The following RASAL2 variants were observed in gnomAD, a reference collection of about 807,000 sequenced individuals.
RASAL2 encodes the protein RAS protein activator like 2, also known as ras GTPase-activating protein nGAP.
Under a neutral mutation model 128.9 loss-of-function variants are expected in RASAL2, and 58 were observed. The observed-to-expected ratio is 0.45, with a 90% confidence interval of 0.36 to 0.56. The LOEUF is 0.56. Ranked by LOEUF, RASAL2 falls within the 20% of genes least tolerant of loss-of-function variation. The probability of loss-of-function intolerance (pLI) is 0.00; values close to 1 mark genes in which losing one functional copy is unlikely to be tolerated. For missense variants in RASAL2, 1,360 were observed against 1,601.6 expected, an observed-to-expected ratio of 0.85 and a Z score of 2.57; for synonymous variants, 561 against 580.8, an observed-to-expected ratio of 0.97 and a Z score of 0.49.
chr1:178,159,582 T>C (rs1338394498), intron 1 of RASAL2, among the ~76,000 whole-genome samples: 2 of 152,164 alleles, frequency 1.3e-5, no homozygotes, highest in Non-Finnish European at 2.9e-5. Context: ...TAGACTATTA[T>C]TGAAAAACAA....
intron 4 of RASAL2, among the ~76,000 whole-genome samples, chr1:178,402,763 G>T (rs1255265172): frequency 6.6e-6 from 1 of 151,862 alleles, no homozygotes; most frequent in Non-Finnish European, 1.5e-5. Context: ...TAACTAATAG[G>T]CTCAAAAGCC....
intron 1 of RASAL2, among the ~76,000 whole-genome samples, chr1:178,261,630 T>A (rs993902496): frequency 6.6e-6 from 1 of 152,084 alleles, no homozygotes; most frequent in Non-Finnish European, 1.5e-5. Context: ...AAGGATTAAT[T>A]AGAAGTGTTG....
intron 1 of RASAL2, among the ~76,000 whole-genome samples, chr1:178,185,186 A>G (rs1326866012): frequency 1.3e-5 from 2 of 151,314 alleles, no homozygotes; most frequent in African/African-American, 4.9e-5. Context: ...TTTGCTTATT[A>G]ACCTTGTATC....
chr1:178,288,902 C>T (rs916684018), intron 2 of RASAL2, among the ~76,000 whole-genome samples: 1 of 152,086 alleles, frequency 6.6e-6, no homozygotes, highest in Admixed American at 6.5e-5. Flanking sequence ...CCACCCGCCT[C>T]GGCCTCCCAA....
At chr1:178,418,428 C>G (rs1382351092) in intron 4 of RASAL2, among the ~76,000 whole-genome samples, 1 of 152,088 alleles carries the variant, frequency 6.6e-6, no homozygotes, top group Non-Finnish European at 1.5e-5. Flanking sequence ...AGCCTTTTTC[C>G]CTTGCCTTTA....
At chr1:178,209,227 T>G (rs1663170155) in intron 1 of RASAL2, among the ~76,000 whole-genome samples, 1 of 152,192 alleles carries the variant, frequency 6.6e-6, no homozygotes, top group East Asian at 1.9e-4. Flanking sequence ...CTCCGTTGGT[T>G]GCTCTCTAGA....
intron 1 of RASAL2, among the ~76,000 whole-genome samples, chr1:178,273,742 AG>A (rs1423424583): frequency 5.3e-5 from 8 of 152,184 alleles, no homozygotes; most frequent in Non-Finnish European, 1.2e-4. Flanking sequence ...TTTCGATAAG[AG>A]GGATGTTTTT....
intron 1 of RASAL2, among the ~76,000 whole-genome samples, chr1:178,233,271 TAA>T (rs1365516271): frequency 2.6e-5 from 4 of 152,184 alleles, no homozygotes; most frequent in African/African-American, 9.7e-5. Flanking sequence ...GAGAGACTGT[TAA>T]AGACTGGAGT....
chr1:178,240,617 T>C (rs1664456059), intron 1 of RASAL2, among the ~76,000 whole-genome samples: 1 of 151,982 alleles, frequency 6.6e-6, no homozygotes, highest in African/African-American at 2.4e-5. Flanking sequence ...CATGTGTTGC[T>C]GGAGAGGATA....
chr1:178,136,159 A>G (rs1441807144), intron 1 of RASAL2, among the ~76,000 whole-genome samples: 1 of 152,234 alleles, frequency 6.6e-6, no homozygotes, highest in African/African-American at 2.4e-5. Context: ...TTTTCAGTTC[A>G]TAGATTTTTA....
intron 1 of RASAL2, among the ~76,000 whole-genome samples, chr1:178,145,177 T>G (rs1486804509): frequency 6.6e-6 from 1 of 152,134 alleles, no homozygotes; most frequent in East Asian, 1.9e-4. Flanking sequence ...ATACTTAAGT[T>G]TAGAAACATA....
chr1:178,277,710 A>G (rs930079549), intron 1 of RASAL2, among the ~76,000 whole-genome samples: 1 of 152,206 alleles, frequency 6.6e-6, no homozygotes, highest in Non-Finnish European at 1.5e-5. Flanking sequence ...ATCTGTTGGG[A>G]ATATGTTTCT....
At position 178,285,103 on chromosome 1, in the gene RASAL2, C is replaced by CTTTTT. The variant is rs58901015; in HGVS notation, c.330+1436_330+1440dup. On this transcript the variant is annotated intron_variant, in intron 2 of 17. Transcript: ENST00000367649. ...GTATTTTAATAGGCATTGCTACTTT[C>CTTTTT]TTTTTTTTTTTTTTTTTTTTTTTTT... Among the ~76,000 whole-genome samples, 174 of 81,952 alleles carry CTTTTT rather than the reference C, an allele frequency of 2.1e-3. 3 individuals carry two copies. Among genetic ancestry groups the CTTTTT allele is most frequent in the Non-Finnish European group, 2.4e-3 (106 of 44,596 alleles). 53.8% of individuals were successfully genotyped at this position (81,952 alleles called of 152,430 possible). A position where few individuals can be genotyped will look rare whatever the true frequency, so the allele number is the denominator to read the frequency against.
chr1:178,344,008 A>G (rs1198087022), intron 3 of RASAL2, among the ~76,000 whole-genome samples: 5 of 152,182 alleles, frequency 3.3e-5, no homozygotes, highest in African/African-American at 7.2e-5. Context: ...GAATGGGTAT[A>G]GTGAAATGAG....
intron 3 of RASAL2, among the ~76,000 whole-genome samples, chr1:178,352,071 G>C (rs561305008): frequency 7.2e-5 from 11 of 152,162 alleles, no homozygotes; most frequent in Non-Finnish European, 1.5e-4. Flanking sequence ...ATTCATCAAA[G>C]GAATCTTTGG....
Position 178,434,093 on chromosome 1 carries a change from G to A in RASAL2, c.675-5329G>A, listed in dbSNP as rs777631247. Among the ~76,000 whole-genome samples, 17 of 152,168 alleles carry A rather than the reference G, an allele frequency of 1.1e-4. 1 individual carries two copies. The highest frequency in any genetic ancestry group is 1.5e-4 in the Non-Finnish European group (10 of 67,976). Reference sequence around the variant, plus strand: ...TGGTATGTTACTTGAGTTGGATTACGAGTTTGGTTTGGTTTGGTTTAGTTT... The same window carrying A: ...TGGTATGTTACTTGAGTTGGATTACAAGTTTGGTTTGGTTTGGTTTAGTTT... On this transcript the variant is annotated intron_variant, in intron 5 of 17. Coordinates refer to ENST00000367649, the MANE Select transcript of RASAL2 (RefSeq NM_170692.4).
At chr1:178,116,699 T>A (rs890425544) in intron 1 of RASAL2, among the ~76,000 whole-genome samples, 1 of 152,196 alleles carries the variant, frequency 6.6e-6, no homozygotes, top group Admixed American at 6.5e-5. Flanking sequence ...AATCTTCACC[T>A]CCTGCGTTCA....
intron 3 of RASAL2, among the ~76,000 whole-genome samples, chr1:178,381,572 A>G (rs763488015): frequency 1.8e-4 from 28 of 152,028 alleles, no homozygotes; most frequent in Non-Finnish European, 2.8e-4. Flanking sequence ...TCTTTATATT[A>G]CAGGTTTACA....
intron 2 of RASAL2, among the ~76,000 whole-genome samples, chr1:178,288,668 T>G (rs1050588542): frequency 3.5e-5 from 4 of 114,554 alleles, no homozygotes; most frequent in African/African-American, 1.8e-4. Context: ...TTTTTTTTTT[T>G]GAGACAGACT....
Sources: allele counts gnomAD v4.1 joint callset (sites outside exome capture counted in the v4.1 genomes callset), GRCh38; gene constraint gnomAD v4.1.1; transcripts MANE v1.5; gene names NCBI Gene and HGNC (gene_info 2026-07-23, HGNC 2026-07-21).